The following SETD5 variants were observed in gnomAD, a reference collection of about 807,000 sequenced individuals.
SETD5 encodes SET domain containing 5.
Under a neutral mutation model 153.3 loss-of-function variants are expected in SETD5, and 44 were observed. That is an observed-to-expected ratio of 0.29 (90% CI 0.23 to 0.37). The LOEUF is 0.37. Among genes scored for constraint, SETD5 ranks in the 10% least tolerant of loss-of-function variants. SETD5 has a pLI of 1.00. For missense variants in SETD5, 1,544 were observed against 1,768.0 expected, an observed-to-expected ratio of 0.87 and a Z score of 2.27; for synonymous variants, 716 against 645.2, an observed-to-expected ratio of 1.11 and a Z score of -1.66.
intron 3 of SETD5, among the ~76,000 whole-genome samples, chr3:9,432,942 T>TTGGAGTCAGA (rs1273782485): frequency 6.6e-6 from 1 of 152,174 alleles, no homozygotes; most frequent in Non-Finnish European, 1.5e-5. Context: ...AGCATAGACT[T>TTGGAGTCAGA]TGGAGTCAGA....
intron 16 of SETD5, among the ~76,000 whole-genome samples, chr3:9,453,245 G>A (rs2042837540): frequency 6.6e-6 from 1 of 152,112 alleles, no homozygotes; most frequent in Admixed American, 6.5e-5. Context: ...TTTGGTACCT[G>A]TAGTGAAGAG....
Position 9,428,931 on chromosome 3 carries a change from T to G in SETD5, c.-8T>G. 1 of 1,611,752 alleles carries G rather than the reference T, an allele frequency of 6.2e-7. No individual in the cohort carries two copies. Among genetic ancestry groups the G allele is most frequent in the Non-Finnish European group, 8.5e-7 (1 of 1,178,502 alleles). On this transcript the variant is annotated 5_prime_UTR_variant, in exon 3 of 23. Coordinates refer to ENST00000402198, the MANE Select transcript of SETD5 (RefSeq NM_001080517.3). ...CCGTGATTTCCAATCTCTGCTGTGTTGGACGTCATGAGCATTGCAATCCCT... is the reference window on the plus strand; with the variant it reads ...CCGTGATTTCCAATCTCTGCTGTGTGGGACGTCATGAGCATTGCAATCCCT...
chr3:9,434,939 A>G lies in SETD5; in HGVS notation c.388+57A>G. On this transcript the variant is annotated intron_variant, in intron 6 of 22. Transcript: ENST00000402198. This position sits in a 1 kb window ranked among gnomAD's most constrained non-coding sequence, Gnocchi z 5.6. The stretch of plus-strand genomic sequence containing the variant: ...GACATAAAAATATTCTGTGATCTGA[A>G]TGTTCATTTTAAGAACCCCTCTTGG... The G allele has an allele frequency of 6.3e-7, 1 of 1,578,376 alleles. No homozygotes were observed. Among genetic ancestry groups the G allele is most frequent in the Non-Finnish European group, 8.6e-7 (1 of 1,160,248 alleles).
At chr3:9,436,649 A>G (rs1046306243) in intron 7 of SETD5, among the ~76,000 whole-genome samples, 7 of 152,206 alleles carry the variant, frequency 4.6e-5, no homozygotes, top group Non-Finnish European at 1.0e-4. Flanking sequence ...AGAAAGTATT[A>G]AAATTAGTCT....
intron 16 of SETD5, among the ~76,000 whole-genome samples, chr3:9,451,412 T>A (rs558351941): frequency 1.3e-5 from 2 of 152,280 alleles, no homozygotes; most frequent in South Asian, 4.1e-4. Context: ...TTGTCCAAAG[T>A]GAAGCAGCTA....
At chr3:9,466,496 C>T (rs548364829) in intron 18 of SETD5, among the ~76,000 whole-genome samples, 26 of 151,362 alleles carry the variant, frequency 1.7e-4, no homozygotes, top group Non-Finnish European at 2.5e-4. Context: ...TGTTAGAATA[C>T]CAGGAGGGAA....
chr3:9,427,149 G>C (rs1264588325), intron 2 of SETD5, among the ~76,000 whole-genome samples: 1 of 152,126 alleles, frequency 6.6e-6, no homozygotes, highest in Non-Finnish European at 1.5e-5. Context: ...GCCTCCTAAA[G>C]TGTTGGTATT....
intron 18 of SETD5, among the ~76,000 whole-genome samples, chr3:9,467,598 C>T (rs2044763272): frequency 6.6e-6 from 1 of 152,148 alleles, no homozygotes; most frequent in South Asian, 2.1e-4. Context: ...CAGCATGTGC[C>T]TGCCACCTAG....
intron 19 of SETD5, among the ~76,000 whole-genome samples, chr3:9,471,828 A>G (rs1253072732): frequency 6.6e-6 from 1 of 152,252 alleles, no homozygotes; most frequent in Non-Finnish European, 1.5e-5. Flanking sequence ...GGACAGTCCC[A>G]TGTAATGGCC....
At chr3:9,464,280 T>G in intron 17 of SETD5, 145 bp from the exon 18 acceptor site, 1 of 1,046,232 alleles carries the variant, frequency 9.6e-7, no homozygotes, top group Non-Finnish European at 1.4e-6. Flanking sequence ...TTCTTTGGGA[T>G]TTTGGTTGGA....
intron 1 of SETD5, among the ~76,000 whole-genome samples, chr3:9,416,111 A>G (rs1166257039): frequency 6.6e-6 from 1 of 152,108 alleles, no homozygotes; most frequent in Non-Finnish European, 1.5e-5. Flanking sequence ...GGTTTGTGAC[A>G]CTCAGTGTTA....
At chr3:9,448,712 CATAA>C in intron 16 of SETD5, 82 bp downstream of exon 16, 1 of 1,353,690 alleles carries the variant, frequency 7.4e-7, no homozygotes, top group Non-Finnish European at 9.8e-7. Context: ...ATCATCATGA[CATAA>C]ATAAAATGTT....
chr3:9,433,989 C>A, intron 4 of SETD5, 39 bp downstream of exon 4: 1 of 1,611,308 alleles, frequency 6.2e-7, no homozygotes, highest in South Asian at 1.1e-5. Context: ...CAGTGATCTT[C>A]CTGGAGTGTA....
chr3:9,405,371 CTA>C (rs1272263688), intron 1 of SETD5, among the ~76,000 whole-genome samples: 1 of 152,110 alleles, frequency 6.6e-6, no homozygotes, highest in Non-Finnish European at 1.5e-5. Context: ...AATTAGACCT[CTA>C]TGTATGTTTA....
At chr3:9,474,416 G>A in intron 20 of SETD5, 33 bp from the exon 21 acceptor site, 6 of 1,609,560 alleles carry the variant, frequency 3.7e-6, no homozygotes, top group Non-Finnish European at 4.2e-6. Flanking sequence ...GTTAAGTCCT[G>A]TGGCTTGAAC....
intron 1 of SETD5, chr3:9,398,706 A>G (rs2034190190): frequency 6.6e-6 from 1 of 152,264 alleles, no homozygotes; most frequent in South Asian, 2.1e-4. Flanking sequence ...TATTCCCTTT[A>G]TGAATTCTCT....
intron 9 of SETD5, 33 bp from the exon 10 acceptor site, chr3:9,442,095 T>A (rs377642112): frequency 1.0e-5 from 15 of 1,450,598 alleles, no homozygotes; most frequent in Non-Finnish European, 1.3e-5. Context: ...TTATTTGTGT[T>A]GAGAATTACA....
At chr3:9,437,856 AGC>A (rs2040775004) in intron 7 of SETD5, among the ~76,000 whole-genome samples, 1 of 152,072 alleles carries the variant, frequency 6.6e-6, no homozygotes, top group Non-Finnish European at 1.5e-5. Context: ...TACCAAAATT[AGC>A]CAGGCGTGGT....
chr3:9,428,607 A>G (rs995179697), intron 2 of SETD5, among the ~76,000 whole-genome samples: 4 of 152,198 alleles, frequency 2.6e-5, no homozygotes, highest in African/African-American at 4.8e-5. Context: ...GAAAAGAAAA[A>G]CAAAAGTAAA....
Sources: allele counts gnomAD v4.1 joint callset (sites outside exome capture counted in the v4.1 genomes callset), GRCh38; gene constraint gnomAD v4.1.1; non-coding constraint Gnocchi (gnomAD v3.1); transcripts MANE v1.5; gene names NCBI Gene and HGNC (gene_info 2026-07-23, HGNC 2026-07-21).